Variants in AASS observed in about 807,000 individuals in gnomAD.
The protein encoded by AASS is alpha-aminoadipic semialdehyde synthase, mitochondrial.
In AASS, 86 loss-of-function variants were observed where a neutral mutation model predicts 105.4. That is an observed-to-expected ratio of 0.82 (90% confidence interval 0.69 to 0.98). The LOEUF (loss-of-function observed/expected upper bound fraction) is 0.98, where lower values mean the gene tolerates loss of function less well. Ranked by LOEUF, AASS falls within the 50% of genes least tolerant of loss-of-function variation. AASS has a pLI of 0.00. For missense variants in AASS, 1,048 were observed against 1,143.2 expected (o/e 0.92, Z 1.20); for synonymous variants, 381 against 394.8 (o/e 0.96, Z 0.41).
At chr7:122,092,102 C>T (rs894871838) in intron 17 of AASS, among the ~76,000 whole-genome samples, 6 of 151,566 alleles carry the variant, frequency 4.0e-5, no homozygotes, top group Non-Finnish European at 8.8e-5. Flanking sequence ...ACTCTTAGTT[C>T]AATTCTGCTT....
intron 18 of AASS, among the ~76,000 whole-genome samples, chr7:122,088,394 C>T (rs1407390039): frequency 2.0e-5 from 3 of 152,086 alleles, no homozygotes; most frequent in Non-Finnish European, 4.4e-5. Flanking sequence ...TATCTTTAAT[C>T]CATGAAACAA....
chr7:122,094,110 G>A (rs562598019), intron 15 of AASS, among the ~76,000 whole-genome samples: 22 of 152,192 alleles, frequency 1.4e-4, no homozygotes, highest in Non-Finnish European at 2.2e-4. Flanking sequence ...GATAAGAAGT[G>A]GAGCAGGGGC....
intron 1 of AASS, among the ~76,000 whole-genome samples, chr7:122,139,328 G>C (rs1367450871): frequency 6.6e-6 from 1 of 152,084 alleles, no homozygotes; most frequent in East Asian, 1.9e-4. Context: ...TCCAATCCCT[G>C]CCCATGTTCA....
rs867206060 is a variant in AASS at position 122,074,028 on chromosome 7, C to T, written c.*2461G>A. On this transcript the variant is annotated 3_prime_UTR_variant, in exon 24 of 24. Transcript: ENST00000417368. ...CAATTTTGGGCTATTATAAATAATG[C>T]TGCAAAGAACATCTGTGCACAAGTT... Among the ~76,000 whole-genome samples, 2 of 152,122 alleles carry T rather than the reference C, an allele frequency of 1.3e-5. No homozygotes were observed. Among genetic ancestry groups the T allele is most frequent in the Non-Finnish European group, 2.9e-5 (2 of 68,014 alleles).
rs1795110728 is a variant in AASS, at chr7:122,115,212, T to TA, written c.904dup (p.Tyr302LeufsTer7). The TA allele has an allele frequency of 3.1e-6, 5 of 1,614,110 alleles. No individual in the cohort carries two copies. Among genetic ancestry groups the TA allele is most frequent in the Non-Finnish European group, 1.7e-6 (2 of 1,180,000 alleles). ...GATTCCATTAATTAAGCAAGTTGTA[T>TA]AGGGTGCAATCTGTAATGCAAGTTC... On this transcript the variant is annotated frameshift_variant, in exon 9 of 24. Coordinates refer to ENST00000417368, the MANE Select transcript of AASS (RefSeq NM_005763.4). LOFTEE classifies it high-confidence loss of function.
chr7:122,097,007 T>C (rs1794185572), intron 15 of AASS, among the ~76,000 whole-genome samples: 1 of 152,090 alleles, frequency 6.6e-6, no homozygotes, highest in Non-Finnish European at 1.5e-5. Context: ...ATCAGAGAGG[T>C]TCAGTTGGTC....
chr7:122,079,465 G>A, intron 21 of AASS, 132 bp downstream of exon 21: 3 of 1,059,076 alleles, frequency 2.8e-6, no homozygotes, highest in Non-Finnish European at 4.3e-6. Context: ...CATGGCACAT[G>A]GTAATCTCTC....
intron 4 of AASS, among the ~76,000 whole-genome samples, chr7:122,120,131 A>G (rs1795376008): frequency 6.6e-6 from 1 of 152,142 alleles, no homozygotes; most frequent in South Asian, 2.1e-4. Context: ...TTTCTATTTC[A>G]GTTGATTTCT....
At chr7:122,093,192 C>T (rs776963728) in intron 15 of AASS, 34 bp from the exon 16 acceptor site, 1 of 1,436,492 alleles carries the variant, frequency 7.0e-7, no homozygotes, top group Admixed American at 1.7e-5. Context: ...CAGAAACTCC[C>T]TTTTTCAACT....
rs34474265 is a variant in AASS at position 122,098,872 on chromosome 7, TAA to T, written c.1407-8_1407-7del. ...AAAGTGACTGAGCACGTTCCCTATT[TAA>T]AAAAAAAAAAAAAAAAAAAAAAGGG... On this transcript the variant is annotated splice_region_variant and splice_polypyrimidine_tract_variant and intron_variant, in intron 13 of 23. Transcript: ENST00000417368. 0.058 allele frequency: 62,140 copies of T among 1,079,832 alleles called. No homozygotes were observed. Among genetic ancestry groups the T allele is most frequent in the East Asian group, 0.08 (1,954 of 24,496 alleles). The allele number at this position is 1,079,832 out of a possible 1,614,324, so 66.9% of individuals were successfully genotyped here. A position where few individuals can be genotyped will look rare whatever the true frequency, so the allele number is the denominator to read the frequency against.
At chr7:122,127,080 C>G (rs552872826) in intron 3 of AASS, among the ~76,000 whole-genome samples, 2 of 152,084 alleles carry the variant, frequency 1.3e-5, no homozygotes, top group East Asian at 3.9e-4. Flanking sequence ...TTCTTTTTCC[C>G]TCTCCTTCCT....
Position 122,073,739 on chromosome 7 carries a change from T to C in AASS, c.*2750A>G, listed in dbSNP as rs1408580682. 6.6e-6 allele frequency among the ~76,000 whole-genome samples: 1 copy of C among 152,112 alleles called. No individual in the cohort carries two copies. The highest frequency in any genetic ancestry group is 1.5e-5 in the Non-Finnish European group (1 of 68,014). ...CTAATTAGCAGTCACCCCTTTGTCC[T>C]CCCCAACCCTTCAGCCTAAGCAACC... On this transcript the variant is annotated 3_prime_UTR_variant, in exon 24 of 24. Coordinates refer to ENST00000417368, the MANE Select transcript of AASS (RefSeq NM_005763.4).
chr7:122,098,514 T>C lies in AASS; in HGVS notation c.1591A>G (p.Met531Val), dbSNP rs776079202. 4 of 1,611,638 alleles carry C rather than the reference T, an allele frequency of 2.5e-6. No individual in the cohort carries two copies. The highest frequency in any genetic ancestry group is 3.4e-6 in the Non-Finnish European group (4 of 1,178,422). The change falls in exon 15 of 24, where the codon ATG (methionine) becomes GTG (valine). Residue 531 changes from methionine to valine, a missense_variant. Met to Val is a conservative substitution (Grantham distance 21). Transcript: ENST00000417368. The stretch of plus-strand genomic sequence containing the variant: ...TTCTCTTCTTGTTTACAAATGTCCA[T>C]GCTAACAGGATTAATATTATATTTC... ...GKKYNINPVS[M>V]DICKQEEKLG...
chr7:122,078,080 C>G lies in AASS; in HGVS notation c.2486-66G>C. 4 of 1,459,074 alleles carry G rather than the reference C, an allele frequency of 2.7e-6. No individual in the cohort carries two copies. The Admixed American group carries it at 6.7e-5, about 24-fold the overall frequency. The allele number at this position is 1,459,074 out of a possible 1,614,324, so 90.4% of individuals were successfully genotyped here. ...ACAACTCAAATATTGTCTGTCATCT[C>G]CTCCTGCCCTTCTGGTCTTAAAAGT... On this transcript the variant is annotated intron_variant, in intron 22 of 23. Transcript: ENST00000417368.
At chr7:122,095,368 G>C (rs1362082383) in intron 15 of AASS, among the ~76,000 whole-genome samples, 2 of 151,988 alleles carry the variant, frequency 1.3e-5, no homozygotes, top group Non-Finnish European at 1.5e-5. Context: ...ATAAATATGA[G>C]TGTTATAAAA....
chr7:122,116,543 C>G, intron 8 of AASS, 90 bp downstream of exon 8: 2 of 1,533,276 alleles, frequency 1.3e-6, no homozygotes. Flanking sequence ...AACTGAAAGC[C>G]ATTGTACAAT....
intron 8 of AASS, among the ~76,000 whole-genome samples, chr7:122,115,533 A>C (rs538891165): frequency 2.6e-5 from 4 of 152,300 alleles, no homozygotes; most frequent in Non-Finnish European, 2.9e-5. Context: ...CGGTGGACCT[A>C]AAATTATATT....
At chr7:122,076,639 C>A in intron 23 of AASS, 32 bp from the exon 24 acceptor site, 1 of 1,454,216 alleles carries the variant, frequency 6.9e-7, no homozygotes, top group South Asian at 1.1e-5. Context: ...ATTACCATTT[C>A]AAAGGTTGTG....
chr7:122,105,716 T>A (rs1204314251), intron 11 of AASS, among the ~76,000 whole-genome samples: 1 of 151,982 alleles, frequency 6.6e-6, no homozygotes, highest in African/African-American at 2.4e-5. Context: ...ACCTATGGGA[T>A]ACAGCAAAAG....
Sources: allele counts gnomAD v4.1 joint callset (sites outside exome capture counted in the v4.1 genomes callset), GRCh38; gene constraint gnomAD v4.1.1; transcripts MANE v1.5; gene names NCBI Gene and HGNC (gene_info 2026-07-23, HGNC 2026-07-21).